The following SUFU variants were observed in gnomAD, a reference collection of about 807,000 sequenced individuals.
The protein encoded by SUFU is suppressor of fused homolog.
Under a neutral mutation model 58.9 loss-of-function variants are expected in SUFU, and 7 were observed. The observed-to-expected ratio is 0.12, with a 90% CI of 0.07 to 0.22. The LOEUF (loss-of-function observed/expected upper bound fraction) is 0.22. SUFU is among the 10% of genes least tolerant of loss of function. The pLI is 1.00. For missense variants in SUFU, 451 were observed against 641.3 expected (o/e 0.70, Z 3.20); for synonymous variants, 232 against 254.8 (o/e 0.91, Z 0.85).
At position 102,619,590 on chromosome 10, in the gene SUFU, C is replaced by T. The variant is rs1220728007; in HGVS notation, c.1296+2162C>T. On this transcript the variant is annotated intron_variant, in intron 10 of 11. Coordinates refer to ENST00000369902, the MANE Select transcript of SUFU (RefSeq NM_016169.4). The surrounding 1 kb of genome is among the most constrained non-coding windows in gnomAD (Gnocchi z 4.2). ...CACCCTTGATCACCGAGGGGTTTCT[C>T]AGGCCCTTTCCAAGGAGCCCTGGGA... 1 of 834,044 alleles carries T rather than the reference C, an allele frequency of 1.2e-6. No homozygotes were observed. The highest frequency in any genetic ancestry group is 6.4e-5 in the East Asian group (1 of 15,680). 51.7% of individuals were successfully genotyped at this position (834,044 alleles called of 1,614,324 possible). A position where few individuals can be genotyped will look rare whatever the true frequency, so the allele number is the denominator to read the frequency against.
At chr10:102,533,520 G>A (rs886935050) in intron 2 of SUFU, among the ~76,000 whole-genome samples, 1 of 152,100 alleles carries the variant, frequency 6.6e-6, no homozygotes, top group Non-Finnish European at 1.5e-5. Context: ...GCAACAGTGA[G>A]CCGTGATCAT....
chr10:102,556,841 G>A (rs1044986245), intron 3 of SUFU, among the ~76,000 whole-genome samples: 9 of 151,940 alleles, frequency 5.9e-5, no homozygotes, highest in Non-Finnish European at 1.0e-4. Flanking sequence ...TGTAATCCCA[G>A]CACTTTGGGA....
At chr10:102,616,037 G>A (rs1304919517) in intron 9 of SUFU, among the ~76,000 whole-genome samples, 27 of 144,886 alleles carry the variant, frequency 1.9e-4, no homozygotes, top group Non-Finnish European at 1.1e-4. Flanking sequence ...GCACTGGTTT[G>A]TCAGGGTGGG....
intron 7 of SUFU, 30 bp downstream of exon 7, chr10:102,597,323 C>G (rs750383259): frequency 6.2e-6 from 10 of 1,602,198 alleles, no homozygotes; most frequent in South Asian, 2.2e-5. Context: ...ATTCCACCAG[C>G]CTTCCTCCTT....
At chr10:102,591,798 C>A (rs1163687675) in intron 3 of SUFU, among the ~76,000 whole-genome samples, 1 of 152,094 alleles carries the variant, frequency 6.6e-6, no homozygotes, top group African/African-American at 2.4e-5. Flanking sequence ...AGACTTAGTA[C>A]CCTGTGGGGT....
chr10:102,603,009 G>A (rs2063528035), intron 8 of SUFU, among the ~76,000 whole-genome samples: 1 of 152,152 alleles, frequency 6.6e-6, no homozygotes, highest in South Asian at 2.1e-4. Context: ...GACTGTGCCT[G>A]CCAATATCTG....
At chr10:102,599,101 A>G (rs2063491519) in intron 7 of SUFU, among the ~76,000 whole-genome samples, 1 of 152,164 alleles carries the variant, frequency 6.6e-6, no homozygotes, top group South Asian at 2.1e-4. Flanking sequence ...AATCCCCAGT[A>G]GTCAGTCACT....
At chr10:102,595,968 G>A (rs920141686) in intron 6 of SUFU, among the ~76,000 whole-genome samples, 8 of 152,196 alleles carry the variant, frequency 5.3e-5, no homozygotes, top group African/African-American at 1.9e-4. Flanking sequence ...GGCAGCCAGT[G>A]CAGAGGAAAA....
At chr10:102,555,766 G>A (rs766029259) in intron 3 of SUFU, among the ~76,000 whole-genome samples, 6 of 152,218 alleles carry the variant, frequency 3.9e-5, no homozygotes, top group Non-Finnish European at 5.9e-5. Flanking sequence ...AGATCACTCA[G>A]CTGCTGCTGC....
At chr10:102,580,029 A>ACCCCCCCCCCCCCCGCCCCC (rs71474507) in intron 3 of SUFU, among the ~76,000 whole-genome samples, 1 of 84,664 alleles carries the variant, frequency 1.2e-5, no homozygotes. Flanking sequence ...CCTCCCCCGC[A>ACCCCCCCCCCCCCCGCCCCC]CCCCCCCCCC....
At chr10:102,526,993 GTT>G (rs34862176) in intron 2 of SUFU, among the ~76,000 whole-genome samples, 78 of 102,072 alleles carry the variant, frequency 7.6e-4, no homozygotes, top group Middle Eastern at 6.0e-3. Context: ...TATTATTATT[GTT>G]TTTTTTTTTT....
chr10:102,617,772 G>T lies in SUFU; in HGVS notation c.1296+344G>T. The T allele has an allele frequency of 1.9e-6, 1 of 539,778 alleles. No individual in the cohort carries two copies. Among genetic ancestry groups the T allele is most frequent in the African/African-American group, 1.9e-5 (1 of 53,214 alleles). The allele number at this position is 539,778 out of a possible 1,614,324, so 33.4% of individuals were successfully genotyped here. ...GGTAAACCAAGGTACAAGAACTCAA[G>T]GATGAAGCAAGATGGGAGGATGTGT... On this transcript the variant is annotated intron_variant, in intron 10 of 11. Transcript: ENST00000369902. The surrounding 1 kb of genome is among the most constrained non-coding windows in gnomAD (Gnocchi z 4.4).
intron 2 of SUFU, among the ~76,000 whole-genome samples, chr10:102,518,875 C>T (rs1172467781): frequency 1.3e-5 from 2 of 151,446 alleles, no homozygotes; most frequent in Non-Finnish European, 1.5e-5. Flanking sequence ...TGCGGTGGCT[C>T]ACACTTGTAA....
chr10:102,528,965 T>C (rs2062643907), intron 2 of SUFU, among the ~76,000 whole-genome samples: 2 of 145,586 alleles, frequency 1.4e-5, no homozygotes, highest in Non-Finnish European at 1.5e-5. Context: ...TCCTTTCTTT[T>C]TTTTTTTTTT....
In SUFU at chr10:102,590,147, T is replaced by C. The variant is rs2063380846; in HGVS notation, c.455-2435T>C. Among the ~76,000 whole-genome samples, 2 of 113,492 alleles carry C rather than the reference T, an allele frequency of 1.8e-5. 1 individual carries two copies. The highest frequency in any genetic ancestry group is 6.9e-5 in the African/African-American group (2 of 28,918). The allele number at this position is 113,492 out of a possible 152,430, so 74.5% of individuals were successfully genotyped here. A position where few individuals can be genotyped will look rare whatever the true frequency, so the allele number is the denominator to read the frequency against. On this transcript the variant is annotated intron_variant, in intron 3 of 11. Transcript: ENST00000369902. ...ACCTCCCCCCCGACTTTTTCTTTTT[T>C]TTTTTCTTTTTTCTTTTTTTTTTTT... is the stretch of plus-strand genomic sequence containing the variant.
intron 11 of SUFU, 118 bp downstream of exon 11, chr10:102,627,361 C>G: frequency 2.1e-6 from 2 of 961,570 alleles, no homozygotes; most frequent in South Asian, 2.6e-5. Context: ...TGTGTGCTTG[C>G]ATGTATCTGT....
chr10:102,627,129 C>G (rs375613306), intron 10 of SUFU, 46 bp from the exon 11 acceptor site: 1 of 1,602,614 alleles, frequency 6.2e-7, no homozygotes, highest in African/African-American at 1.3e-5. Context: ...GCAAAAAGAT[C>G]ATACATTTAA....
intron 7 of SUFU, among the ~76,000 whole-genome samples, chr10:102,597,529 G>A (rs1193784601): frequency 1.3e-5 from 2 of 152,212 alleles, no homozygotes; most frequent in Admixed American, 6.5e-5. Context: ...AGCAGGCACC[G>A]TTGTGTTTTA....
intron 3 of SUFU, among the ~76,000 whole-genome samples, chr10:102,560,480 C>T (rs2063025510): frequency 6.6e-6 from 1 of 152,068 alleles, no homozygotes; most frequent in Non-Finnish European, 1.5e-5. Flanking sequence ...GAGGCTGAGG[C>T]ACGAGAATTG....
Sources: gnomAD v4.1 joint callset for allele counts (sites outside exome capture counted in the v4.1 genomes callset) on GRCh38, gnomAD v4.1.1 for gene constraint, Gnocchi (gnomAD v3.1) non-coding constraint, MANE v1.5 for transcripts, NCBI Gene and HGNC (gene_info 2026-07-23, HGNC 2026-07-21) for gene names.